OPCML: variants seen among roughly 807,000 people sequenced by gnomAD.
OPCML encodes the protein opioid-binding protein/cell adhesion molecule.
Under a neutral mutation model 37.8 loss-of-function variants are expected in OPCML, and 13 were observed. The observed-to-expected ratio is 0.34, with a 90% CI of 0.22 to 0.55. The LOEUF is 0.55. Among genes scored for constraint, OPCML ranks in the 20% least tolerant of loss-of-function variants. The pLI, the probability that OPCML is intolerant of heterozygous loss-of-function variation, is 0.91. For synonymous variants in OPCML, 176 were observed against 168.8 expected (o/e 1.04, Z -0.33); for missense variants, 341 against 435.6 (o/e 0.78, Z 1.93).
In OPCML at chr11:132,494,053, C is replaced by A. The variant is rs374028433; in HGVS notation, c.505+35008G>T. Among the ~76,000 whole-genome samples, 112 of 152,342 alleles carry A rather than the reference C, an allele frequency of 7.4e-4. 3 individuals carry two copies. In the South Asian group the frequency reaches 0.02, roughly 27 times the overall value. On this transcript the variant is annotated intron_variant, in intron 4 of 7. Coordinates refer to ENST00000524381, the MANE Select transcript of OPCML (RefSeq NM_001012393.5). ...CCCTGCCTGGCAAGGCCTTTGGCAG[C>A]CTTACAGGCCTTCTGATTTGCCAAA...
intron 2 of OPCML, among the ~76,000 whole-genome samples, chr11:132,713,987 G>T (rs182238268): frequency 4.1e-4 from 62 of 152,086 alleles, no homozygotes; most frequent in African/African-American, 1.5e-3. Context: ...AGTAATAGAG[G>T]ATGGGCTAAT....
intron 3 of OPCML, among the ~76,000 whole-genome samples, chr11:132,542,622 G>T (rs532954493): frequency 6.6e-6 from 1 of 152,066 alleles, no homozygotes; most frequent in Non-Finnish European, 1.5e-5. Flanking sequence ...TCTGCACCAT[G>T]AACATCCACC....
intron 1 of OPCML, among the ~76,000 whole-genome samples, chr11:133,003,486 G>A (rs1197928278): frequency 2.6e-5 from 4 of 152,040 alleles, no homozygotes; most frequent in Admixed American, 2.0e-4. Context: ...TGTATTTAGG[G>A]CCCACTCAGA....
At chr11:132,830,258 T>C (rs2136276112) in intron 2 of OPCML, among the ~76,000 whole-genome samples, 1 of 152,320 alleles carries the variant, frequency 6.6e-6, no homozygotes. Context: ...AGATCAAAGT[T>C]AAACCATGCC....
At chr11:133,136,693 A>G (rs12795590) in intron 1 of OPCML, among the ~76,000 whole-genome samples, 3 of 151,920 alleles carry the variant, frequency 2.0e-5, no homozygotes, top group Non-Finnish European at 4.4e-5. Flanking sequence ...GAGAGAGAAT[A>G]CGGGAGTGAG....
chr11:133,271,200 A>T (rs1467910788), intron 1 of OPCML, among the ~76,000 whole-genome samples: 1 of 152,168 alleles, frequency 6.6e-6, no homozygotes, highest in Non-Finnish European at 1.5e-5. Flanking sequence ...ACCTCAAAAC[A>T]TTTTTATAGA....
At chr11:132,967,639 C>T (rs1946244736) in intron 1 of OPCML, among the ~76,000 whole-genome samples, 1 of 152,106 alleles carries the variant, frequency 6.6e-6, no homozygotes. Flanking sequence ...GTACACATTG[C>T]TTTCTACAAT....
At chr11:132,471,760 G>A (rs141825352) in intron 4 of OPCML, among the ~76,000 whole-genome samples, 2 of 152,230 alleles carry the variant, frequency 1.3e-5, no homozygotes, top group African/African-American at 2.4e-5. Context: ...ACTCTTTATT[G>A]AGCAACTCCT....
At chr11:133,236,198 C>G (rs1368109942) in intron 1 of OPCML, among the ~76,000 whole-genome samples, 1 of 151,940 alleles carries the variant, frequency 6.6e-6, no homozygotes, top group African/African-American at 2.4e-5. Flanking sequence ...TGCGATAATC[C>G]CCACAGTCGA....
At chr11:132,959,401 A>G (rs1312539408) in intron 1 of OPCML, among the ~76,000 whole-genome samples, 2 of 152,262 alleles carry the variant, frequency 1.3e-5, no homozygotes, top group African/African-American at 4.8e-5. Flanking sequence ...AATGACAACA[A>G]GGGAGTCAGA....
intron 3 of OPCML, among the ~76,000 whole-genome samples, chr11:132,598,267 A>T (rs180966690): frequency 5.8e-4 from 89 of 152,210 alleles, no homozygotes; most frequent in African/African-American, 1.8e-3. Context: ...TATTTTTGGT[A>T]TGTGTCTGTT....
chr11:132,841,117 G>C (rs535511124), intron 2 of OPCML, among the ~76,000 whole-genome samples: 3 of 152,312 alleles, frequency 2.0e-5, no homozygotes, highest in African/African-American at 7.2e-5. Context: ...GCACAAGTAA[G>C]GGTTCTATAA....
chr11:132,782,063 C>A (rs966912348), intron 2 of OPCML, among the ~76,000 whole-genome samples: 1 of 150,884 alleles, frequency 6.6e-6, no homozygotes, highest in Non-Finnish European at 1.5e-5. Context: ...TGCAGCCCCT[C>A]TCTTCCACTC....
At chr11:132,439,861 C>A (rs7926221) in intron 4 of OPCML, among the ~76,000 whole-genome samples, 42,981 of 151,966 alleles carry the variant, frequency 0.28, 6,210 homozygotes, top group Non-Finnish European at 0.31. Flanking sequence ...CTGCTGAGGG[C>A]CTGGCTAGAG....
chr11:132,640,906 A>G (rs1259288223), intron 3 of OPCML, among the ~76,000 whole-genome samples: 1 of 152,202 alleles, frequency 6.6e-6, no homozygotes, highest in Non-Finnish European at 1.5e-5. Context: ...CCATCAGGGC[A>G]CACTGCACCT....
intron 1 of OPCML, among the ~76,000 whole-genome samples, chr11:133,259,721 A>G (rs1941428970): frequency 6.6e-6 from 1 of 152,236 alleles, no homozygotes; most frequent in South Asian, 2.1e-4. Flanking sequence ...GTTAATTATG[A>G]AACAAATCTT....
In OPCML at chr11:132,611,059, A is replaced by AT. The variant is rs555175149; in HGVS notation, c.379+46027dup. ...GAAATCACCTGAAAATGAACTTCTG[A>AT]TTTTAATTAGGAGAACCCCATGACA... On this transcript the variant is annotated intron_variant, in intron 3 of 7. Transcript: ENST00000524381. Among the ~76,000 whole-genome samples the AT allele has an allele frequency of 5.3e-5, 8 of 152,262 alleles. No homozygotes were observed. The South Asian group carries it at 1.0e-3, about 20-fold the overall frequency.
At chr11:133,463,076 A>T (rs114515146) in intron 1 of OPCML, among the ~76,000 whole-genome samples, 2,996 of 149,450 alleles carry the variant, frequency 0.02, 103 homozygotes, top group African/African-American at 0.072. Flanking sequence ...AAAATAAGCC[A>T]GCCACAAAAG....
intron 1 of OPCML, among the ~76,000 whole-genome samples, chr11:133,499,804 G>GTA (rs1438950001): frequency 5.1e-5 from 7 of 138,234 alleles, no homozygotes; most frequent in East Asian, 2.0e-4. Flanking sequence ...ATATATATGT[G>GTA]TGTGTATATA....
Sources: allele counts gnomAD v4.1 joint callset (sites outside exome capture counted in the v4.1 genomes callset), GRCh38; gene constraint gnomAD v4.1.1; transcripts MANE v1.5; gene names NCBI Gene and HGNC (gene_info 2026-07-23, HGNC 2026-07-21).